AKAP13: variants seen among roughly 807,000 people sequenced by gnomAD.
AKAP13 encodes the protein A-kinase anchoring protein 13, also known as A-kinase anchor protein 13.
Under a neutral mutation model 264.5 loss-of-function variants are expected in AKAP13, and 80 were observed. The ratio of observed to expected loss-of-function variants is 0.30; its 90% CI spans 0.25 to 0.36. The LOEUF (loss-of-function observed/expected upper bound fraction) is 0.36, where lower values mean the gene tolerates loss of function less well. Ranked by LOEUF, AKAP13 falls within the 10% of genes least tolerant of loss-of-function variation. AKAP13 has a pLI of 1.00. For synonymous variants in AKAP13, 1,380 were observed against 1,250.2 expected, an observed-to-expected ratio of 1.10 and a Z score of -2.19; for missense variants, 3,712 against 3,435.2, an observed-to-expected ratio of 1.08 and a Z score of -2.01.
At chr15:85,719,043 G>T (rs368469140) in intron 22 of AKAP13, 33 bp from the exon 23 acceptor site, 6 of 1,609,930 alleles carry the variant, frequency 3.7e-6, no homozygotes, top group Non-Finnish European at 4.2e-6. Flanking sequence ...ATAAAAGAGT[G>T]TTCCTGACAC....
At position 85,693,409 on chromosome 15, in the gene AKAP13, T is replaced by G. The variant is rs1172454300; in HGVS notation, c.5422T>G (p.Cys1808Gly). 1 of 1,613,494 alleles carries G rather than the reference T, an allele frequency of 6.2e-7. No individual in the cohort carries two copies. The highest frequency in any genetic ancestry group is 8.5e-7 in the Non-Finnish European group (1 of 1,179,848). Residue 1808 changes from cysteine to glycine, a missense_variant, in exon 17 of 37, where the codon TGT becomes GGT. Coordinates refer to ENST00000394518, the MANE Select transcript of AKAP13 (RefSeq NM_007200.5). ...TGTGGGTCCCATCAGCTGTAGCCAGTGTATGAAGCCCTTCACCAACAAAGA... is the reference window on the plus strand; with the variant it reads ...TGTGGGTCCCATCAGCTGTAGCCAGGGTATGAAGCCCTTCACCAACAAAGA... ...PVVGPISCSQCMKPFTNKDAY... is the reference protein window; with the variant it reads ...PVVGPISCSQGMKPFTNKDAY...
At position 85,568,867 on chromosome 15, in the gene AKAP13, T is replaced by C. The variant is rs552225167; in HGVS notation, c.663-6264T>C. On this transcript the variant is annotated intron_variant, in intron 5 of 36. Coordinates refer to ENST00000394518, the MANE Select transcript of AKAP13 (RefSeq NM_007200.5). ...TGATGTCACTATTGCTTTGAAACAG[T>C]TGTTTCTGATAGATTGGGGGGTAGT... 5.9e-5 allele frequency among the ~76,000 whole-genome samples: 9 copies of C among 152,246 alleles called. No homozygotes were observed. The South Asian group carries it at 1.9e-3, about 32-fold the overall frequency.
At chr15:85,560,986 C>G (rs906636336) in intron 5 of AKAP13, among the ~76,000 whole-genome samples, 1 of 151,666 alleles carries the variant, frequency 6.6e-6, no homozygotes, top group Non-Finnish European at 1.5e-5. Context: ...AAAAAACACT[C>G]ATGCCTGAGG....
chr15:85,580,974 C>T lies in AKAP13; in HGVS notation c.2906C>T (p.Ser969Leu). ...DTQQFHEKSI[S>L]ADCAKDKALQ... Reference sequence around the variant, plus strand: ...CAACAATTTCATGAAAAATCAATCTCAGCTGACTGTGCCAAGGACAAAGCA... The same window carrying T: ...CAACAATTTCATGAAAAATCAATCTTAGCTGACTGTGCCAAGGACAAAGCA... Residue 969 changes from serine (S) to leucine (L), a missense_variant, in exon 7 of 37, where the codon TCA (serine) becomes TTA (leucine). By Grantham distance (145) the Ser-to-Leu change is moderately radical. This residue lies in a region of AKAP13 where 2,759 missense variants were observed against 2,411.7 expected (regional missense o/e 1.14). Coordinates refer to ENST00000394518, the MANE Select transcript of AKAP13 (RefSeq NM_007200.5). 1.2e-6 allele frequency: 2 copies of T among 1,614,124 alleles called. No homozygotes were observed. Among genetic ancestry groups the T allele is most frequent in the Non-Finnish European group, 1.7e-6 (2 of 1,180,010 alleles).
intron 1 of AKAP13, among the ~76,000 whole-genome samples, chr15:85,418,787 T>C (rs1228681246): frequency 6.6e-6 from 1 of 152,160 alleles, no homozygotes; most frequent in Non-Finnish European, 1.5e-5. Flanking sequence ...GGCAAATAAT[T>C]GCATTTAGTC....
rs979231320 is a variant in AKAP13, at chr15:85,743,530, G to A, written c.8097G>A (p.Ser2699=). Residue 2699 remains serine (S), a synonymous_variant, in exon 36 of 37, where the codon TCG becomes TCA. Transcript: ENST00000394518. ...HPHTKLMRIP[S]FFPSPEEPPS... ...ATACCAAGCTGATGAGGATCCCATC[G>A]TTCTTCCCCAGTCCTGAGGAGCCCC... The A allele has an allele frequency of 1.1e-5, 18 of 1,614,020 alleles. No homozygotes were observed. The highest frequency in any genetic ancestry group is 4.0e-5 in the African/African-American group (3 of 74,894).
At chr15:85,502,451 C>T (rs192556365) in intron 2 of AKAP13, among the ~76,000 whole-genome samples, 8 of 152,258 alleles carry the variant, frequency 5.3e-5, no homozygotes, top group Admixed American at 3.3e-4. Context: ...AATCTTAATA[C>T]GTATCAGTTG....
intron 1 of AKAP13, among the ~76,000 whole-genome samples, chr15:85,409,211 C>G (rs1459094899): frequency 6.6e-6 from 1 of 151,710 alleles, no homozygotes; most frequent in Non-Finnish European, 1.5e-5. Flanking sequence ...TGGAGTTTCA[C>G]TCGTCGCCTA....
intron 1 of AKAP13, among the ~76,000 whole-genome samples, chr15:85,441,929 C>G (rs1250110273): frequency 1.3e-5 from 2 of 152,072 alleles, no homozygotes. Context: ...GTTCACTTTG[C>G]TTTATTCTGC....
At chr15:85,455,558 A>G (rs1473744440) in intron 1 of AKAP13, among the ~76,000 whole-genome samples, 1 of 152,178 alleles carries the variant, frequency 6.6e-6, no homozygotes, top group East Asian at 1.9e-4. Context: ...GTTCACAGCA[A>G]TAACATAGGG....
At chr15:85,455,894 A>G (rs1164279130) in intron 1 of AKAP13, among the ~76,000 whole-genome samples, 3 of 152,194 alleles carry the variant, frequency 2.0e-5, no homozygotes, top group Non-Finnish European at 4.4e-5. Flanking sequence ...CTTAGGATGT[A>G]TCTCTTTCTA....
chr15:85,536,392 C>G (rs2077398217), intron 4 of AKAP13: 1 of 152,194 alleles, frequency 6.6e-6, no homozygotes, highest in Non-Finnish European at 1.5e-5. Context: ...AAATGTATAA[C>G]CACTCTAGAA....
At position 85,449,211 on chromosome 15, in the gene AKAP13, G is replaced by A. The variant is rs572473856; in HGVS notation, c.-11-36499G>A. 3.3e-5 allele frequency among the ~76,000 whole-genome samples: 5 copies of A among 152,080 alleles called. No homozygotes were observed. In the South Asian group the frequency reaches 1.0e-3, roughly 32 times the overall value. ...CAGTTGTGAATGGGATTGCCTTTCT[G>A]ATTTGGCTCTCGATTTGGTTGCTGT... On this transcript the variant is annotated intron_variant, in intron 1 of 36. Transcript: ENST00000394518.
intron 19 of AKAP13, among the ~76,000 whole-genome samples, chr15:85,715,298 G>T (rs2086865695): frequency 6.6e-6 from 1 of 152,122 alleles, no homozygotes; most frequent in Non-Finnish European, 1.5e-5. Context: ...CTGCTGTGTG[G>T]TGTAGTATAA....
intron 1 of AKAP13, among the ~76,000 whole-genome samples, chr15:85,390,473 A>G (rs1327731891): frequency 6.6e-6 from 1 of 152,196 alleles, no homozygotes; most frequent in Non-Finnish European, 1.5e-5. Context: ...TGGGTGAGAA[A>G]GAGCGTGAGG....
chr15:85,605,398 C>T (rs1206446837), intron 8 of AKAP13, among the ~76,000 whole-genome samples: 1 of 152,108 alleles, frequency 6.6e-6, no homozygotes, highest in Non-Finnish European at 1.5e-5. Flanking sequence ...TGCATGTTCT[C>T]ACTTATAAGG....
chr15:85,535,622 G>T (rs1202999138), intron 4 of AKAP13: 1 of 152,100 alleles, frequency 6.6e-6, no homozygotes, highest in Non-Finnish European at 1.5e-5. Context: ...TCACAAATCA[G>T]TGTCAAGATA....
chr15:85,581,906 C>G lies in AKAP13; in HGVS notation c.3838C>G (p.Leu1280Val). The change falls in exon 7 of 37, where the codon CTG (leucine) becomes GTG (valine). Residue 1280 changes from leucine to valine, a missense_variant. Around this residue, in one of 3 missense-constraint regions of AKAP13, gnomAD observed 2,759 missense variants for 2,411.7 expected, o/e 1.14. Transcript: ENST00000394518. Reference sequence around the variant, plus strand: ...TGAGGGGGAGGCCTGTCACATGTCACTGTCCAGCCCTGAGTTGGGTCCTCT... The same window carrying G: ...TGAGGGGGAGGCCTGTCACATGTCAGTGTCCAGCCCTGAGTTGGGTCCTCT... Reference protein sequence around the residue: ...LTEGEACHMSLSSPELGPLTK... With the variant: ...LTEGEACHMSVSSPELGPLTK... 1 of 1,614,238 alleles carries G rather than the reference C, an allele frequency of 6.2e-7. No homozygotes were observed. The highest frequency in any genetic ancestry group is 8.5e-7 in the Non-Finnish European group (1 of 1,180,028).
intron 2 of AKAP13, among the ~76,000 whole-genome samples, chr15:85,486,635 T>C (rs1385342686): frequency 6.6e-6 from 1 of 152,222 alleles, no homozygotes; most frequent in Non-Finnish European, 1.5e-5. Flanking sequence ...CAACAGTGTT[T>C]GGTAGTTTTC....
Sources: gnomAD v4.1 joint callset for allele counts (sites outside exome capture counted in the v4.1 genomes callset) on GRCh38, gnomAD v4.1.1 for gene constraint, gnomAD v4.1.1 regional missense constraint, MANE v1.5 for transcripts, NCBI Gene and HGNC (gene_info 2026-07-23, HGNC 2026-07-21) for gene names.